PCDHA13: variants seen among roughly 807,000 people sequenced by gnomAD.
PCDHA13 encodes protocadherin alpha-13.
PCDHA13 carries 54 observed loss-of-function variants against 64.8 expected under a neutral mutation model. The observed-to-expected ratio is 0.83, with a 90% CI of 0.67 to 1.04. The LOEUF (loss-of-function observed/expected upper bound fraction) is 1.04, where lower values mean the gene tolerates loss of function less well. PCDHA13 is among the 50% of genes least tolerant of loss of function. PCDHA13 has a pLI of 0.00. For missense variants in PCDHA13, 1,248 were observed against 1,254.3 expected, an observed-to-expected ratio of 0.99 and a Z score of 0.08; for synonymous variants, 587 against 564.4, an observed-to-expected ratio of 1.04 and a Z score of -0.57.
At chr5:140,975,594 A>G (rs914837592) in intron 1 of PCDHA13, among the ~76,000 whole-genome samples, 3 of 152,236 alleles carry the variant, frequency 2.0e-5, no homozygotes, top group Admixed American at 2.0e-4. Flanking sequence ...CCAGAGGGCA[A>G]TTTGTTGATG....
At chr5:140,949,117 T>C (rs1295254726) in intron 1 of PCDHA13, among the ~76,000 whole-genome samples, 2 of 151,762 alleles carry the variant, frequency 1.3e-5, no homozygotes, top group Admixed American at 6.6e-5. Context: ...CAAATATTTT[T>C]GGTTTTCCTA....
At chr5:140,919,945 A>G (rs1456572905) in intron 1 of PCDHA13, among the ~76,000 whole-genome samples, 1 of 151,572 alleles carries the variant, frequency 6.6e-6, no homozygotes, top group Non-Finnish European at 1.5e-5. Flanking sequence ...ATTCCAGTGA[A>G]AAGTTTGTTT....
intron 3 of PCDHA13, among the ~76,000 whole-genome samples, chr5:141,005,018 T>G (rs2098193299): frequency 6.6e-6 from 1 of 152,250 alleles, no homozygotes; most frequent in Non-Finnish European, 1.5e-5. Context: ...AGCTGCATTA[T>G]ATATAATTGC....
chr5:141,005,814 A>G (rs947359019), intron 3 of PCDHA13, among the ~76,000 whole-genome samples: 1 of 149,766 alleles, frequency 6.7e-6, no homozygotes, highest in Non-Finnish European at 1.5e-5. Context: ...GGAGCCAGGT[A>G]TGGTGGCCTG....
chr5:140,989,387 T>A (rs1269344397), intron 3 of PCDHA13, among the ~76,000 whole-genome samples: 2 of 152,122 alleles, frequency 1.3e-5, no homozygotes, highest in Non-Finnish European at 2.9e-5. Context: ...GTGGGAAAGA[T>A]GATATGGAGG....
Position 140,915,626 on chromosome 5 carries a change from G to GTCTCTCTC in PCDHA13, c.2394+30987_2394+30994dup, listed in dbSNP as rs57920489. Among the ~76,000 whole-genome samples the GTCTCTCTC allele has an allele frequency of 4.4e-3, 648 of 146,532 alleles. 6 individuals carry two copies. Among genetic ancestry groups the GTCTCTCTC allele is most frequent in the East Asian group, 0.011 (51 of 4,846 alleles). Reference sequence around the variant, plus strand: ...ACTTTCTGTCAAACAGTCTCTTTCTGTCTCTCTCTCTCTCTCTCTCTCTCT... The same window carrying GTCTCTCTC: ...ACTTTCTGTCAAACAGTCTCTTTCTGTCTCTCTCTCTCTCTCTCTCTCTCTCTCTCTCT... On this transcript the variant is annotated intron_variant, in intron 1 of 3. Transcript: ENST00000289272.
chr5:140,938,797 G>A (rs76361474), intron 1 of PCDHA13, among the ~76,000 whole-genome samples: 2 of 151,926 alleles, frequency 1.3e-5, no homozygotes, highest in East Asian at 1.9e-4. Flanking sequence ...TGAAATAATC[G>A]GTACCACAAA....
chr5:140,995,788 T>C (rs1327222255), intron 3 of PCDHA13, among the ~76,000 whole-genome samples: 1 of 152,154 alleles, frequency 6.6e-6, no homozygotes, highest in Non-Finnish European at 1.5e-5. Context: ...GGTTTAAAAT[T>C]TGTCTCATGT....
intron 1 of PCDHA13, chr5:140,929,046 C>CT (rs1229193922): frequency 6.2e-7 from 1 of 1,614,206 alleles, no homozygotes; most frequent in Non-Finnish European, 8.5e-7. Flanking sequence ...CTCAGAGCTG[C>CT]TGTCGCTCTA....
chr5:140,887,221 C>G lies in PCDHA13; in HGVS notation c.2394+2559C>G, dbSNP rs149306651. ...ACGCCATTCTCCTGCCTCAGCCTCCCGAGTAGCTGAGACTACCGGCGCCCG... is the reference window on the plus strand; with the variant it reads ...ACGCCATTCTCCTGCCTCAGCCTCCGGAGTAGCTGAGACTACCGGCGCCCG... On this transcript the variant is annotated intron_variant, in intron 1 of 3. Transcript: ENST00000289272. Among the ~76,000 whole-genome samples, 1,413 of 151,972 alleles carry G rather than the reference C, an allele frequency of 9.3e-3. 17 individuals carry two copies. The highest frequency in any genetic ancestry group is 0.033 in the African/African-American group (1,349 of 41,450).
Position 140,982,562 on chromosome 5 carries a change from A to C in PCDHA13, c.2541A>C (p.Pro847=). ...QQWPTVSSAT[P]EPEAGEVSPP... ...GGCCAACAGTATCCAGTGCAACACCAGGTAAAGAGCTGGGGTCTCTCCATT... is the reference window on the plus strand; with the variant it reads ...GGCCAACAGTATCCAGTGCAACACCCGGTAAAGAGCTGGGGTCTCTCCATT... Residue 847 remains proline, a splice_region_variant and synonymous_variant, in exon 3 of 4, where the codon CCA becomes CCC. Coordinates refer to ENST00000289272, the MANE Select transcript of PCDHA13 (RefSeq NM_018904.3). 3 of 1,614,062 alleles carry C rather than the reference A, an allele frequency of 1.9e-6. No individual in the cohort carries two copies. The highest frequency in any genetic ancestry group is 2.5e-6 in the Non-Finnish European group (3 of 1,179,936).
At chr5:140,974,799 A>G (rs116037205) in intron 1 of PCDHA13, among the ~76,000 whole-genome samples, 2 of 152,294 alleles carry the variant, frequency 1.3e-5, no homozygotes, top group African/African-American at 2.4e-5. Context: ...TCATTTTGAT[A>G]TACTAGAAGA....
intron 1 of PCDHA13, among the ~76,000 whole-genome samples, chr5:140,922,423 T>C (rs1554200812): frequency 6.6e-6 from 1 of 152,170 alleles, no homozygotes; most frequent in Non-Finnish European, 1.5e-5. Context: ...GTACAGAGGC[T>C]GAGGGCAGAA....
intron 3 of PCDHA13, among the ~76,000 whole-genome samples, chr5:140,988,304 C>T (rs1554250029): frequency 6.6e-6 from 1 of 152,308 alleles, no homozygotes; most frequent in African/African-American, 2.4e-5. Flanking sequence ...GGAGTGCCAG[C>T]TTGGCTTGGC....
chr5:140,979,566 G>A (rs2096856791), intron 2 of PCDHA13, among the ~76,000 whole-genome samples: 1 of 152,194 alleles, frequency 6.6e-6, no homozygotes, highest in Non-Finnish European at 1.5e-5. Flanking sequence ...GATGAGCCAT[G>A]TAAAGGGCTC....
rs1554254172 is a variant in PCDHA13, at chr5:140,994,436, C to G, written c.2542+11873C>G. On this transcript the variant is annotated intron_variant, in intron 3 of 3. Coordinates refer to ENST00000289272, the MANE Select transcript of PCDHA13 (RefSeq NM_018904.3). ...TGGATATTGAGGCCGGGCGCAGTGG[C>G]TCACACCTGTGATCCCAGCACTTTG... 1.3e-5 allele frequency among the ~76,000 whole-genome samples: 2 copies of G among 152,164 alleles called. 1 individual carries two copies. Among genetic ancestry groups the G allele is most frequent in the African/African-American group, 4.8e-5 (2 of 41,432 alleles).
intron 1 of PCDHA13, among the ~76,000 whole-genome samples, chr5:140,959,609 T>A (rs2095500700): frequency 6.6e-6 from 1 of 152,184 alleles, no homozygotes; most frequent in South Asian, 2.1e-4. Flanking sequence ...ATGCTTTTCT[T>A]GCTTGTGATA....
At chr5:141,007,459 T>A (rs1323177537) in intron 3 of PCDHA13, among the ~76,000 whole-genome samples, 1 of 149,426 alleles carries the variant, frequency 6.7e-6, no homozygotes, top group Non-Finnish European at 1.5e-5. Context: ...TCCCAGCTAC[T>A]CAGGAGGCTG....
chr5:140,928,033 A>G, intron 1 of PCDHA13: 1 of 1,614,198 alleles, frequency 6.2e-7, no homozygotes, highest in Non-Finnish European at 8.5e-7. Context: ...TGGCATGTCT[A>G]GTGCAGGCCC....
Sources: gnomAD v4.1 joint callset for allele counts (sites outside exome capture counted in the v4.1 genomes callset) on GRCh38, gnomAD v4.1.1 for gene constraint, MANE v1.5 for transcripts, NCBI Gene and HGNC (gene_info 2026-07-23, HGNC 2026-07-21) for gene names.